RTN3: variants seen among roughly 807,000 people sequenced by gnomAD.
RTN3 encodes the protein reticulon-3.
In RTN3, 49 loss-of-function variants were observed where a neutral mutation model predicts 77.8. That is an observed-to-expected ratio of 0.63 (90% CI 0.50 to 0.80). The LOEUF (loss-of-function observed/expected upper bound fraction) is 0.80. RTN3 is among the 30% of genes least tolerant of loss of function. The pLI is 0.00. For synonymous variants in RTN3, 464 were observed against 446.9 expected, an observed-to-expected ratio of 1.04 and a Z score of -0.48; for missense variants, 1,236 against 1,211.9, an observed-to-expected ratio of 1.02 and a Z score of -0.29.
chr11:63,754,906 C>T (rs912894071), intron 7 of RTN3, among the ~76,000 whole-genome samples: 3 of 116,438 alleles, frequency 2.6e-5, no homozygotes, highest in Admixed American at 1.1e-4. Context: ...CCAGCCTGGG[C>T]GACAGGGAGA....
chr11:63,693,361 T>C (rs1941766176), intron 1 of RTN3, among the ~76,000 whole-genome samples: 2 of 151,958 alleles, frequency 1.3e-5, no homozygotes, highest in African/African-American at 4.8e-5. Flanking sequence ...CACATGCCTG[T>C]AATCCCAGCT....
At chr11:63,694,618 G>A (rs929005211) in intron 1 of RTN3, among the ~76,000 whole-genome samples, 3 of 151,724 alleles carry the variant, frequency 2.0e-5, no homozygotes, top group East Asian at 1.9e-4. Context: ...GACTGTAGGC[G>A]TGGCTATTTT....
chr11:63,720,777 T>G lies in RTN3; in HGVS notation c.2275T>G (p.Ser759Ala), dbSNP rs764599018. Residue 759 changes from serine (S) to alanine (A), a missense_variant, in exon 3 of 9, where the codon TCA (serine) becomes GCA (alanine). Physicochemically the swap from Ser to Ala is moderately conservative, Grantham distance 99. This residue lies in a region of RTN3 where 1,056 missense variants were observed against 990.4 expected (regional missense o/e 1.07). Transcript: ENST00000377819. ...ATTAGGTGAAAGACAGGTTGAGAAG[T>G]CAACTTCTGCACAGCGTGACGCAGA... is the stretch of plus-strand genomic sequence containing the variant. ...KELGERQVEKSTSAQRDAELP... is the reference protein window; with the variant it reads ...KELGERQVEKATSAQRDAELP... 12 of 1,613,954 alleles carry G rather than the reference T, an allele frequency of 7.4e-6. No individual in the cohort carries two copies. Among genetic ancestry groups the G allele is most frequent in the African/African-American group, 2.7e-5 (2 of 74,914 alleles).
chr11:63,705,831 A>G (rs1054489451), intron 2 of RTN3, among the ~76,000 whole-genome samples: 2 of 152,206 alleles, frequency 1.3e-5, no homozygotes, highest in Non-Finnish European at 2.9e-5. Flanking sequence ...AGGGAAGGGA[A>G]TCAGTTTGTG....
chr11:63,724,484 CTTTTTTTTTT>C (rs34237318), intron 3 of RTN3, among the ~76,000 whole-genome samples: 1 of 81,758 alleles, frequency 1.2e-5, no homozygotes, highest in African/African-American at 4.6e-5. Flanking sequence ...GTGCCCGGCC[CTTTTTTTTTT>C]TTTTTTTTTT....
chr11:63,716,762 G>A (rs892110525), intron 2 of RTN3, among the ~76,000 whole-genome samples: 16 of 152,106 alleles, frequency 1.1e-4, no homozygotes, highest in South Asian at 6.2e-4. Flanking sequence ...TCAGGAGATC[G>A]AGACCATTCT....
At chr11:63,734,777 A>ACACACC (rs1555077875) in intron 3 of RTN3, among the ~76,000 whole-genome samples, 1 of 118,840 alleles carries the variant, frequency 8.4e-6, no homozygotes, top group African/African-American at 3.1e-5. Flanking sequence ...ACACACACAC[A>ACACACC]CACACCATAC....
rs1199383 is a variant in RTN3, at chr11:63,697,324, G to T, written c.143-7527G>T. Among the ~76,000 whole-genome samples, 1,000 of 144,904 alleles carry T rather than the reference G, an allele frequency of 6.9e-3. 10 individuals carry two copies. Among genetic ancestry groups the T allele is most frequent in the African/African-American group, 0.024 (943 of 39,270 alleles). On this transcript the variant is annotated intron_variant, in intron 1 of 8. Coordinates refer to ENST00000377819, the MANE Select transcript of RTN3 (RefSeq NM_001265589.2). Reference sequence around the variant, plus strand: ...TTTTTTTTTATTTTTATTTTTTTTTGAGATAGAGCCTCACTCTGTCGCCCA... The same window carrying T: ...TTTTTTTTTATTTTTATTTTTTTTTTAGATAGAGCCTCACTCTGTCGCCCA...
chr11:63,730,795 G>T (rs1313871987), intron 3 of RTN3, among the ~76,000 whole-genome samples: 1 of 152,072 alleles, frequency 6.6e-6, no homozygotes, highest in Non-Finnish European at 1.5e-5. Context: ...CTCCAGCCTG[G>T]TGACAGAGTG....
chr11:63,747,119 G>A, intron 3 of RTN3: 1 of 420,424 alleles, frequency 2.4e-6, no homozygotes, highest in Non-Finnish European at 4.9e-6. Flanking sequence ...GGGTTGGTCT[G>A]GTGTTTTCTG....
intron 3 of RTN3, among the ~76,000 whole-genome samples, chr11:63,728,886 C>CAA (rs577443067): frequency 2.0e-4 from 16 of 78,632 alleles, no homozygotes; most frequent in African/African-American, 5.8e-4. Flanking sequence ...GACTCCGTCT[C>CAA]AAAAAAAAAA....
At chr11:63,711,369 T>A (rs181244530) in intron 2 of RTN3, among the ~76,000 whole-genome samples, 1 of 150,316 alleles carries the variant, frequency 6.7e-6, no homozygotes, top group African/African-American at 2.4e-5. Flanking sequence ...TTTGGTTTTG[T>A]TTTTTGGGTT....
chr11:63,709,445 C>T (rs966217148), intron 2 of RTN3, among the ~76,000 whole-genome samples: 3 of 151,948 alleles, frequency 2.0e-5, no homozygotes, highest in Admixed American at 6.6e-5. Context: ...TCCACCATGC[C>T]GCATTGGAAG....
chr11:63,702,202 TTTTTCACATGGCTTTTTTA>T (rs1942268952), intron 1 of RTN3, among the ~76,000 whole-genome samples: 1 of 152,160 alleles, frequency 6.6e-6, no homozygotes, highest in Non-Finnish European at 1.5e-5. Context: ...GAGGGTTTTG[TTTTTCACATGGCTTTTTTA>T]TTCTTTTTTC....
intron 3 of RTN3, among the ~76,000 whole-genome samples, chr11:63,727,633 G>T (rs1031392575): frequency 6.6e-6 from 1 of 152,130 alleles, no homozygotes; most frequent in Non-Finnish European, 1.5e-5. Flanking sequence ...TTTTTTAAAA[G>T]TGTCACCAGA....
chr11:63,712,885 T>C (rs1270694867), intron 2 of RTN3, among the ~76,000 whole-genome samples: 1 of 152,102 alleles, frequency 6.6e-6, no homozygotes, highest in East Asian at 1.9e-4. Context: ...CACCTGAGGT[T>C]GGGAGTTCCA....
Position 63,708,730 on chromosome 11 carries a change from A to G in RTN3, c.199+3823A>G, listed in dbSNP as rs535048605. On this transcript the variant is annotated intron_variant, in intron 2 of 8. Coordinates refer to ENST00000377819, the MANE Select transcript of RTN3 (RefSeq NM_001265589.2). ...AGTGGAATAATCAGTTCCTTCTTCA[A>G]TAAGTTGTACCCCTGAGTAGTCCTT... Among the ~76,000 whole-genome samples, 6 of 152,230 alleles carry G rather than the reference A, an allele frequency of 3.9e-5. No homozygotes were observed. In the South Asian group the frequency reaches 8.3e-4, roughly 21 times the overall value.
rs763478309 is a variant in RTN3 at position 63,719,801 on chromosome 11, C to A, written c.1299C>A (p.Ile433=). The change falls in exon 3 of 9, where the codon ATC becomes ATA. Residue 433 remains isoleucine, a synonymous_variant. Transcript: ENST00000377819. ...TGAATTCCACAAAAGAATTCAGTAT[C>A]AAAGGTGTGCAAGGCAATATGCAGA... ...DSLNSTKEFS[I]KGVQGNMQKQ... 54 of 1,613,994 alleles carry A rather than the reference C, an allele frequency of 3.3e-5. No individual in the cohort carries two copies. The highest frequency in any genetic ancestry group is 4.3e-5 in the Non-Finnish European group (51 of 1,180,042).
intron 2 of RTN3, among the ~76,000 whole-genome samples, chr11:63,706,152 G>A (rs1424020382): frequency 2.6e-5 from 4 of 151,998 alleles, no homozygotes; most frequent in Admixed American, 2.6e-4. Context: ...TGCTTCTTAG[G>A]AAACATGGTA....
Sources: gnomAD v4.1 joint callset for allele counts (sites outside exome capture counted in the v4.1 genomes callset) on GRCh38, gnomAD v4.1.1 for gene constraint, gnomAD v4.1.1 regional missense constraint, MANE v1.5 for transcripts, NCBI Gene and HGNC (gene_info 2026-07-23, HGNC 2026-07-21) for gene names.